The following TAOK3 variants were observed in gnomAD, a reference collection of about 807,000 sequenced individuals.
The protein encoded by TAOK3 is TAO kinase 3, also known as serine/threonine-protein kinase TAO3.
A neutral mutation model predicts 120.4 loss-of-function variants in TAOK3; 40 were observed. The ratio of observed to expected loss-of-function variants is 0.33; its 90% CI spans 0.26 to 0.43. The LOEUF is 0.43. Among genes scored for constraint, TAOK3 ranks in the 20% least tolerant of loss-of-function variants. The probability of loss-of-function intolerance (pLI) is 1.00; values close to 1 mark genes in which losing one functional copy is unlikely to be tolerated. For missense variants in TAOK3, 821 were observed against 1,112.1 expected, an observed-to-expected ratio of 0.74 and a Z score of 3.72; for synonymous variants, 355 against 387.5, an observed-to-expected ratio of 0.92 and a Z score of 0.99.
At chr12:118,155,762 AG>A (rs1202516522) in intron 19 of TAOK3, among the ~76,000 whole-genome samples, 1 of 151,994 alleles carries the variant, frequency 6.6e-6, no homozygotes, top group Non-Finnish European at 1.5e-5. Flanking sequence ...TAAGAGTCCC[AG>A]TCTTGTTCTG....
Position 118,152,111 on chromosome 12 carries a change from A to G in TAOK3, c.2535+116T>C, listed in dbSNP as rs886178017. On this transcript the variant is annotated intron_variant, in intron 20 of 20. Coordinates refer to ENST00000392533, the MANE Select transcript of TAOK3 (RefSeq NM_016281.4). ...CAAGGGTACCAGTAGCATAAAGCAG[A>G]TAAGTGAAAAGTGCCCAGTTTAATC... is the stretch of plus-strand genomic sequence containing the variant. The G allele has an allele frequency of 4.2e-5, 40 of 963,328 alleles. 1 individual carries two copies. The Admixed American group carries it at 4.2e-4, about 10-fold the overall frequency. The allele number at this position is 963,328 out of a possible 1,614,324, so 59.7% of individuals were successfully genotyped here. A position where few individuals can be genotyped will look rare whatever the true frequency, so the allele number is the denominator to read the frequency against.
intron 1 of TAOK3, among the ~76,000 whole-genome samples, chr12:118,267,130 A>G (rs968854381): frequency 1.3e-5 from 2 of 152,182 alleles, no homozygotes; most frequent in Admixed American, 1.3e-4. Flanking sequence ...TTTCCAATAG[A>G]CATGATGATT....
intron 3 of TAOK3, among the ~76,000 whole-genome samples, chr12:118,254,846 C>T (rs910027105): frequency 3.9e-5 from 6 of 152,176 alleles, no homozygotes; most frequent in African/African-American, 1.2e-4. Context: ...CAAGCTCCAC[C>T]TCCCTGGTTC....
chr12:118,189,694 C>G (rs2037316152), intron 14 of TAOK3, 113 bp downstream of exon 14: 10 of 1,285,416 alleles, frequency 7.8e-6, no homozygotes, highest in Non-Finnish European at 1.1e-5. Context: ...AGAAAACATT[C>G]TTGACTCCTT....
intron 1 of TAOK3, among the ~76,000 whole-genome samples, chr12:118,315,495 G>C (rs16948252): frequency 1.3e-5 from 2 of 152,082 alleles, no homozygotes; most frequent in Non-Finnish European, 2.9e-5. Flanking sequence ...AGTACAAATG[G>C]TAAAAAGAAT....
intron 17 of TAOK3, among the ~76,000 whole-genome samples, chr12:118,165,479 G>C (rs1191266491): frequency 6.6e-6 from 1 of 152,214 alleles, no homozygotes. Flanking sequence ...TTAATGAAAT[G>C]CTTCAAGATA....
intron 19 of TAOK3, among the ~76,000 whole-genome samples, chr12:118,153,625 C>T (rs1336072155): frequency 3.3e-5 from 5 of 152,138 alleles, no homozygotes; most frequent in African/African-American, 1.2e-4. Context: ...GGGTTGCAGG[C>T]TTGGTTTGGT....
intron 1 of TAOK3, among the ~76,000 whole-genome samples, chr12:118,301,848 A>G (rs1440604629): frequency 2.6e-5 from 4 of 151,824 alleles, no homozygotes; most frequent in Non-Finnish European, 5.9e-5. Context: ...TCTCAAAAAA[A>G]AAAAAAAAAA....
intron 3 of TAOK3, among the ~76,000 whole-genome samples, chr12:118,245,243 C>T (rs1278477602): frequency 1.3e-5 from 2 of 151,960 alleles, no homozygotes; most frequent in Non-Finnish European, 2.9e-5. Flanking sequence ...ACCATGTTGA[C>T]CAGGCTGGTC....
intron 1 of TAOK3, among the ~76,000 whole-genome samples, chr12:118,285,633 G>T (rs1002983237): frequency 6.6e-6 from 1 of 152,188 alleles, no homozygotes; most frequent in East Asian, 1.9e-4. Flanking sequence ...GATTACAGGC[G>T]TGAGCCACCA....
At chr12:118,215,174 C>T (rs2038828629) in intron 9 of TAOK3, among the ~76,000 whole-genome samples, 1 of 148,772 alleles carries the variant, frequency 6.7e-6, no homozygotes, top group Non-Finnish European at 1.5e-5. Context: ...CCACTGCACC[C>T]AGTCCCATAA....
At chr12:118,177,474 G>A in intron 15 of TAOK3, 145 bp from the exon 16 acceptor site, 1 of 539,946 alleles carries the variant, frequency 1.9e-6, no homozygotes, top group Non-Finnish European at 2.9e-6. Context: ...TTGTTTTTCT[G>A]ATTTTCTTGT....
intron 1 of TAOK3, among the ~76,000 whole-genome samples, chr12:118,314,102 C>A (rs532123206): frequency 6.6e-6 from 1 of 152,152 alleles, no homozygotes; most frequent in Non-Finnish European, 1.5e-5. Context: ...ACCTATGTAT[C>A]TTCTAGAACA....
chr12:118,168,173 G>A (rs924799595), intron 17 of TAOK3, among the ~76,000 whole-genome samples: 3 of 152,292 alleles, frequency 2.0e-5, no homozygotes, highest in East Asian at 1.9e-4. Flanking sequence ...TGGGATTGTC[G>A]AAAAGGTGAA....
At chr12:118,282,209 C>T (rs555343238) in intron 1 of TAOK3, among the ~76,000 whole-genome samples, 1 of 152,320 alleles carries the variant, frequency 6.6e-6, no homozygotes, top group East Asian at 1.9e-4. Context: ...TCTACCAAAC[C>T]TCTATAACCT....
Position 118,233,746 on chromosome 12 carries a change from A to C in TAOK3, c.571T>G (p.Leu191Val). ...TCATACTGTCCTTCATCCATAGCTAAGATCACCTCTGGAGCCATCCTACCA... is the reference window on the plus strand; with the variant it reads ...TCATACTGTCCTTCATCCATAGCTACGATCACCTCTGGAGCCATCCTACCA... ...TPYWMAPEVI[L>V]AMDEGQYDGK... The change falls in exon 9 of 21, where the codon TTA becomes GTA. Residue 191 changes from leucine to valine, a missense_variant. Around this residue, in one of 2 missense-constraint regions of TAOK3, gnomAD observed 467 missense variants for 540.0 expected, o/e 0.86. Coordinates refer to ENST00000392533, the MANE Select transcript of TAOK3 (RefSeq NM_016281.4). The C allele has an allele frequency of 2.5e-6, 4 of 1,607,604 alleles. No individual in the cohort carries two copies. Among genetic ancestry groups the C allele is most frequent in the Non-Finnish European group, 3.4e-6 (4 of 1,177,512 alleles).
chr12:118,210,740 CTT>C (rs972130210), intron 11 of TAOK3, among the ~76,000 whole-genome samples: 18 of 139,030 alleles, frequency 1.3e-4, no homozygotes, highest in Admixed American at 2.2e-4. Context: ...TTTCTTTTTT[CTT>C]TTTTTTTTTT....
intron 1 of TAOK3, among the ~76,000 whole-genome samples, chr12:118,281,650 G>C (rs1183456595): frequency 6.6e-6 from 1 of 151,934 alleles, no homozygotes; most frequent in South Asian, 2.1e-4. Flanking sequence ...CGGGGGTGGT[G>C]GTGGGTACGT....
At chr12:118,335,057 T>C (rs1474734326) in intron 1 of TAOK3, among the ~76,000 whole-genome samples, 1 of 151,424 alleles carries the variant, frequency 6.6e-6, no homozygotes, top group Non-Finnish European at 1.5e-5. Flanking sequence ...TGGTGGTATA[T>C]GCCTGTAATC....
Sources: allele counts gnomAD v4.1 joint callset (sites outside exome capture counted in the v4.1 genomes callset), GRCh38; gene constraint gnomAD v4.1.1; regional missense constraint gnomAD v4.1.1; transcripts MANE v1.5; gene names NCBI Gene and HGNC (gene_info 2026-07-23, HGNC 2026-07-21).